Variants in ITFG1 observed in about 807,000 individuals in gnomAD.
ITFG1 encodes the protein integrin alpha FG-GAP repeat containing 1, also known as T-cell immunomodulatory protein.
In ITFG1, 34 loss-of-function variants were observed where a neutral mutation model predicts 81.8. The observed-to-expected ratio is 0.42, with a 90% CI of 0.32 to 0.55. The LOEUF is 0.55. Ranked by LOEUF, ITFG1 falls within the 20% of genes least tolerant of loss-of-function variation. The pLI is 0.17. For missense variants in ITFG1, 672 were observed against 755.4 expected, an observed-to-expected ratio of 0.89 and a Z score of 1.29; for synonymous variants, 285 against 270.6, an observed-to-expected ratio of 1.05 and a Z score of -0.52.
At chr16:47,225,218 A>G (rs1965743332) in intron 13 of ITFG1, among the ~76,000 whole-genome samples, 1 of 152,120 alleles carries the variant, frequency 6.6e-6, no homozygotes, top group Admixed American at 6.6e-5. Context: ...AATTGAAGAT[A>G]TGTCAATTCA....
chr16:47,161,738 C>A lies in ITFG1; in HGVS notation c.1661+12G>T. 1.3e-6 allele frequency: 2 copies of A among 1,576,480 alleles called. No homozygotes were observed. Among genetic ancestry groups the A allele is most frequent in the South Asian group, 1.1e-5 (1 of 90,182 alleles). On this transcript the variant is annotated intron_variant, in intron 16 of 17. Transcript: ENST00000320640. Reference sequence around the variant, plus strand: ...AGTGTCTTTACCAAATCGGTTCAAGCAAGTACATTACCTTCGAGGGACATT... The same window carrying A: ...AGTGTCTTTACCAAATCGGTTCAAGAAAGTACATTACCTTCGAGGGACATT...
chr16:47,202,665 G>T (rs1965441147), intron 14 of ITFG1, among the ~76,000 whole-genome samples: 2 of 151,596 alleles, frequency 1.3e-5, no homozygotes, highest in Admixed American at 6.6e-5. Context: ...AACATCTAGG[G>T]GTGCTCAACA....
intron 10 of ITFG1, among the ~76,000 whole-genome samples, chr16:47,283,316 C>G (rs917951830): frequency 6.6e-6 from 1 of 152,106 alleles, no homozygotes; most frequent in African/African-American, 2.4e-5. Context: ...CCAATTTTCC[C>G]AGCATCATTC....
chr16:47,226,619 G>A (rs558117731), intron 13 of ITFG1, among the ~76,000 whole-genome samples: 22 of 146,686 alleles, frequency 1.5e-4, no homozygotes, highest in Non-Finnish European at 2.2e-4. Context: ...GACAACATGC[G>A]GTGTTTGGTT....
At chr16:47,188,364 A>C (rs1052107208) in intron 14 of ITFG1, among the ~76,000 whole-genome samples, 1 of 151,944 alleles carries the variant, frequency 6.6e-6, no homozygotes, top group Non-Finnish European at 1.5e-5. Context: ...GAACCAACCC[A>C]AATGTCCAAC....
At chr16:47,388,001 A>G (rs1968484207) in intron 6 of ITFG1, among the ~76,000 whole-genome samples, 1 of 152,140 alleles carries the variant, frequency 6.6e-6, no homozygotes, top group South Asian at 2.1e-4. Flanking sequence ...TAAAATATCC[A>G]TAGACAGAAA....
intron 8 of ITFG1, among the ~76,000 whole-genome samples, chr16:47,341,719 T>A (rs575887470): frequency 1.3e-5 from 2 of 152,162 alleles, no homozygotes; most frequent in Non-Finnish European, 2.9e-5. Context: ...TGTACATAAC[T>A]AAAGTAGCAA....
intron 6 of ITFG1, chr16:47,425,846 C>G (rs1969014257): frequency 6.6e-6 from 1 of 152,140 alleles, no homozygotes. Context: ...TTGCCTCAAT[C>G]TCCCAAAATG....
intron 11 of ITFG1, among the ~76,000 whole-genome samples, chr16:47,259,354 A>G (rs1309132284): frequency 6.6e-6 from 1 of 152,180 alleles, no homozygotes; most frequent in Non-Finnish European, 1.5e-5. Flanking sequence ...TAGAAAATTT[A>G]TTTCCCAGTT....
At chr16:47,409,611 G>A (rs1235052501) in intron 6 of ITFG1, among the ~76,000 whole-genome samples, 1 of 149,140 alleles carries the variant, frequency 6.7e-6, no homozygotes, top group Non-Finnish European at 1.5e-5. Context: ...TAGAGATGGA[G>A]TTTCACCATG....
intron 10 of ITFG1, among the ~76,000 whole-genome samples, chr16:47,276,863 A>G (rs1027305838): frequency 1.3e-5 from 2 of 152,240 alleles, no homozygotes; most frequent in Non-Finnish European, 2.9e-5. Flanking sequence ...ACAAAAATAA[A>G]GTTTAGGTAC....
intron 14 of ITFG1, among the ~76,000 whole-genome samples, chr16:47,167,933 G>A (rs550080670): frequency 1.9e-4 from 29 of 152,150 alleles, no homozygotes; most frequent in African/African-American, 5.8e-4. Flanking sequence ...CCTGCTTTCC[G>A]TTCTTTTGAG....
intron 6 of ITFG1, among the ~76,000 whole-genome samples, chr16:47,396,868 G>A (rs139771491): frequency 1.8e-4 from 28 of 152,252 alleles, no homozygotes; most frequent in Non-Finnish European, 3.8e-4. Flanking sequence ...CCTACAAGGT[G>A]CAGGGAACGA....
chr16:47,303,515 G>A (rs1387418411), intron 10 of ITFG1, among the ~76,000 whole-genome samples: 1 of 152,082 alleles, frequency 6.6e-6, no homozygotes, highest in Non-Finnish European at 1.5e-5. Context: ...AGGTTGCAAA[G>A]TGAGGATCCG....
chr16:47,164,204 AATTCTGTGG>A (rs1964855971), intron 14 of ITFG1, among the ~76,000 whole-genome samples: 1 of 148,432 alleles, frequency 6.7e-6, no homozygotes, highest in African/African-American at 2.5e-5. Context: ...TCATGTAGTG[AATTCTGTGG>A]ATTCTGTATT....
chr16:47,443,000 C>G (rs1306408862), intron 5 of ITFG1, among the ~76,000 whole-genome samples: 1 of 152,132 alleles, frequency 6.6e-6, no homozygotes, highest in Non-Finnish European at 1.5e-5. Context: ...GCAACCTACT[C>G]ATGTGACAAA....
intron 6 of ITFG1, among the ~76,000 whole-genome samples, chr16:47,397,169 G>A (rs1482272101): frequency 1.3e-5 from 2 of 152,244 alleles, no homozygotes; most frequent in Non-Finnish European, 2.9e-5. Context: ...TATGAGGCAT[G>A]TGGCATATTC....
intron 13 of ITFG1, among the ~76,000 whole-genome samples, chr16:47,219,271 C>G (rs1232051208): frequency 6.6e-6 from 1 of 152,086 alleles, no homozygotes; most frequent in Non-Finnish European, 1.5e-5. Context: ...TTTTTCCCTT[C>G]AGGGAGGGAT....
At position 47,271,825 on chromosome 16, in the gene ITFG1, C is replaced by T. The variant is rs185214844; in HGVS notation, c.1071-11130G>A. 7.7e-4 allele frequency among the ~76,000 whole-genome samples: 117 copies of T among 152,332 alleles called. 3 individuals carry two copies. Among genetic ancestry groups the T allele is most frequent in the African/African-American group, 2.5e-3 (106 of 41,580 alleles). ...AGTGAACTGAGATCACACCACTGCACTCCAGCCTGGGCGACAGAGCGAGAT... is the reference window on the plus strand; with the variant it reads ...AGTGAACTGAGATCACACCACTGCATTCCAGCCTGGGCGACAGAGCGAGAT... On this transcript the variant is annotated intron_variant, in intron 10 of 17. Coordinates refer to ENST00000320640, the MANE Select transcript of ITFG1 (RefSeq NM_030790.5).
Sources: gnomAD v4.1 joint callset for allele counts (sites outside exome capture counted in the v4.1 genomes callset) on GRCh38, gnomAD v4.1.1 for gene constraint, MANE v1.5 for transcripts, NCBI Gene and HGNC (gene_info 2026-07-23, HGNC 2026-07-21) for gene names.